Variants in PHKA1 observed in about 807,000 individuals in gnomAD.
PHKA1 encodes phosphorylase b kinase regulatory subunit alpha, skeletal muscle isoform.
Under a neutral mutation model 110.2 loss-of-function variants are expected in PHKA1, and 60 were observed. The observed-to-expected ratio is 0.54, with a 90% CI of 0.44 to 0.68. The LOEUF is 0.68. PHKA1 is among the 30% of genes least tolerant of loss of function. The pLI, the probability that PHKA1 is intolerant of heterozygous loss-of-function variation, is 0.00. For synonymous variants in PHKA1, 316 were observed against 333.6 expected, an observed-to-expected ratio of 0.95 and a Z score of 0.58; for missense variants, 801 against 942.5, an observed-to-expected ratio of 0.85 and a Z score of 1.97.
chrX:72,652,466 A>C (rs1556299451), intron 12 of PHKA1, 78 bp downstream of exon 12: 3 of 595,536 alleles, frequency 5.0e-6, no homozygotes, highest in Non-Finnish European at 5.8e-6. Flanking sequence ...CTTCAGATTT[A>C]ATGAGCTACT....
Position 72,619,288 on chromosome X carries a change from G to T in PHKA1, c.2155C>A (p.Pro719Thr), listed in dbSNP as rs782771218. The change falls in exon 20 of 32, where the codon CCT (proline) becomes ACT (threonine). Residue 719 changes from proline to threonine, a missense_variant. This residue lies in a region of PHKA1 where 502 missense variants were observed against 519.2 expected (regional missense o/e 0.97). Coordinates refer to ENST00000373542, the MANE Select transcript of PHKA1 (RefSeq NM_002637.4). ...LHVQNVHMYL[P>T]TKLFQASRPS... is the part of the protein sequence containing the mutation. ...CGGGAAGCCTGAAATAACTTCGTAG[G>T]AAGATACATGTGAACATCTGCAAAA... The T allele has an allele frequency of 2.6e-6, 3 of 1,171,402 alleles. No individual in the cohort carries two copies. In the South Asian group the frequency reaches 5.4e-5, roughly 21 times the overall value.
intron 21 of PHKA1, among the ~76,000 whole-genome samples, chrX:72,613,643 G>A (rs781909667): frequency 4.5e-5 from 5 of 111,901 alleles, no homozygotes; most frequent in Admixed American, 2.8e-4. Context: ...GTATATTTAC[G>A]TAGTCTCAAA....
At chrX:72,605,954 A>AT (rs1556250606) in intron 23 of PHKA1, among the ~76,000 whole-genome samples, 5 of 112,260 alleles carry the variant, frequency 4.5e-5, no homozygotes, top group Non-Finnish European at 9.4e-5. Flanking sequence ...TATGGCTACA[A>AT]AGTACTAAAT....
intron 6 of PHKA1, among the ~76,000 whole-genome samples, chrX:72,668,557 T>C (rs2053641522): frequency 8.9e-6 from 1 of 111,850 alleles, no homozygotes; most frequent in South Asian, 3.8e-4. Flanking sequence ...TTTCTAGTAT[T>C]TATTAGTTAT....
In PHKA1 at chrX:72,645,054, G is replaced by A. The variant is rs782751506; in HGVS notation, c.1325-558C>T. On this transcript the variant is annotated intron_variant, in intron 13 of 31. Transcript: ENST00000373542. ...GTAGCGGGTGCTGGGGAGAGATGGG[G>A]GATGAAACTTCTCTAGATTCAGAGC... is the stretch of plus-strand genomic sequence containing the variant. Among the ~76,000 whole-genome samples the A allele has an allele frequency of 6.3e-5, 7 of 111,541 alleles. No individual in the cohort carries two copies. In the East Asian group the frequency reaches 2.0e-3, roughly 32 times the overall value.
At chrX:72,582,068 CCTT>C (rs2052344758) in intron 31 of PHKA1, among the ~76,000 whole-genome samples, 2 of 111,963 alleles carry the variant, frequency 1.8e-5, no homozygotes, top group South Asian at 7.5e-4. Context: ...CTTATTAAGT[CCTT>C]AAAGCTACAA....
chrX:72,672,008 A>G (rs966712722), intron 6 of PHKA1, among the ~76,000 whole-genome samples: 1 of 112,311 alleles, frequency 8.9e-6, no homozygotes, highest in Non-Finnish European at 1.9e-5. Context: ...AGGCAATACC[A>G]TTCAGAACAG....
rs1328789262 is a variant in PHKA1, at chrX:72,682,375, C to T, written c.537+2123G>A. On this transcript the variant is annotated intron_variant, in intron 5 of 31. Coordinates refer to ENST00000373542, the MANE Select transcript of PHKA1 (RefSeq NM_002637.4). ...CCCCTGCCCGGCCAGCCGCCCCGTC[C>T]GGGAGGTGAGGGGCGCCTCTGCCCG... Among the ~76,000 whole-genome samples, 17 of 106,421 alleles carry T rather than the reference C, an allele frequency of 1.6e-4. No homozygotes were observed. In the South Asian group the frequency reaches 2.5e-3, roughly 16 times the overall value. The allele number at this position is 106,421 out of a possible 115,157, so 92.4% of individuals were successfully genotyped here.
intron 3 of PHKA1, among the ~76,000 whole-genome samples, chrX:72,702,431 CAGAA>C (rs1437070792): frequency 8.9e-6 from 1 of 111,787 alleles, no homozygotes; most frequent in Non-Finnish European, 1.9e-5. Context: ...GCCTGGGTGA[CAGAA>C]AGAGGCTTCA....
At chrX:72,610,662 G>A (rs1178700584) in intron 22 of PHKA1, among the ~76,000 whole-genome samples, 1 of 111,101 alleles carries the variant, frequency 9.0e-6, no homozygotes, top group African/African-American at 3.3e-5. Flanking sequence ...TGGATCCCAT[G>A]GTAGTTCTAC....
intron 15 of PHKA1, among the ~76,000 whole-genome samples, chrX:72,635,874 A>G (rs1236471907): frequency 2.7e-5 from 3 of 112,077 alleles, no homozygotes; most frequent in Admixed American, 9.5e-5. Context: ...TTAGAAGAGG[A>G]TACTGAAGAT....
chrX:72,623,209 G>T lies in PHKA1; in HGVS notation c.1860C>A (p.Asp620Glu). Residue 620 changes from aspartate (D) to glutamate (E), a missense_variant, in exon 18 of 32, where the codon GAC becomes GAA. Physicochemically the swap from Asp to Glu is conservative, Grantham distance 45. This residue lies in a region of PHKA1 where 502 missense variants were observed against 519.2 expected (regional missense o/e 0.97). Coordinates refer to ENST00000373542, the MANE Select transcript of PHKA1 (RefSeq NM_002637.4). ...TGTACAGCTTACCCTCAGGTCCAGGGTCCATGAAGCTCAAGTGTGTGCAAC... is the reference window on the plus strand; with the variant it reads ...TGTACAGCTTACCCTCAGGTCCAGGTTCCATGAAGCTCAAGTGTGTGCAAC... ...TSCCTHLSFM[D>E]PGPEGKLYSE... is the part of the protein sequence containing the mutation. 1 of 1,209,339 alleles carries T rather than the reference G, an allele frequency of 8.3e-7. No individual in the cohort carries two copies. The highest frequency in any genetic ancestry group is 1.1e-6 in the Non-Finnish European group (1 of 893,944).
intron 28 of PHKA1, among the ~76,000 whole-genome samples, chrX:72,597,697 TA>T (rs1556236170): frequency 8.9e-6 from 1 of 112,091 alleles, no homozygotes; most frequent in Non-Finnish European, 1.9e-5. Context: ...TTTATTATTT[TA>T]AAATGTACAA....
At chrX:72,617,961 A>G (rs2052922691) in intron 21 of PHKA1, among the ~76,000 whole-genome samples, 1 of 111,901 alleles carries the variant, frequency 8.9e-6, no homozygotes, top group Admixed American at 9.4e-5. Flanking sequence ...GCCAGTGAGA[A>G]TGCTCATCCT....
At chrX:72,589,887 A>G (rs1569423699) in intron 29 of PHKA1, among the ~76,000 whole-genome samples, 1 of 111,015 alleles carries the variant, frequency 9.0e-6, no homozygotes, top group Non-Finnish European at 1.9e-5. Flanking sequence ...GGACCTCTTC[A>G]AGGAGAACTA....
chrX:72,633,625 T>C (rs1387336247), intron 16 of PHKA1, among the ~76,000 whole-genome samples: 3 of 111,720 alleles, frequency 2.7e-5, no homozygotes, highest in African/African-American at 9.8e-5. Flanking sequence ...TCTACTTTTA[T>C]TACCTCCAAT....
intron 4 of PHKA1, among the ~76,000 whole-genome samples, chrX:72,691,116 T>C (rs1261271429): frequency 8.9e-6 from 1 of 112,935 alleles, no homozygotes; most frequent in African/African-American, 3.2e-5. Flanking sequence ...AATTTCATTC[T>C]TTTGCATGTG....
intron 17 of PHKA1, among the ~76,000 whole-genome samples, chrX:72,624,047 C>T (rs1212930025): frequency 1.8e-5 from 2 of 111,335 alleles, no homozygotes; most frequent in Non-Finnish European, 3.8e-5. Flanking sequence ...CAAGGATCAA[C>T]GGAAGCTAAT....
chrX:72,708,352 G>A (rs1166893787), intron 2 of PHKA1, among the ~76,000 whole-genome samples: 6 of 111,344 alleles, frequency 5.4e-5, no homozygotes, highest in Non-Finnish European at 9.4e-5. Context: ...TTTATTAAGG[G>A]ATTAGAGGAG....
Sources: gnomAD v4.1 joint callset for allele counts (sites outside exome capture counted in the v4.1 genomes callset) on GRCh38, gnomAD v4.1.1 for gene constraint, gnomAD v4.1.1 regional missense constraint, MANE v1.5 for transcripts, NCBI Gene and HGNC (gene_info 2026-07-23, HGNC 2026-07-21) for gene names.